The following GIGYF1 variants were observed in gnomAD, a reference collection of about 807,000 sequenced individuals.
GIGYF1 encodes the protein GRB10 interacting GYF protein 1.
Under a neutral mutation model 147.1 loss-of-function variants are expected in GIGYF1, and 84 were observed. That is an observed-to-expected ratio of 0.57 (90% CI 0.48 to 0.68). The LOEUF (loss-of-function observed/expected upper bound fraction) is 0.68. GIGYF1 is among the 30% of genes least tolerant of loss of function. The pLI, the probability that GIGYF1 is intolerant of heterozygous loss-of-function variation, is 0.00. For missense variants in GIGYF1, 1,485 were observed against 1,393.7 expected (o/e 1.07, Z -1.04); for synonymous variants, 752 against 589.5 (o/e 1.28, Z -3.99).
chr7:100,685,267 G>A, intron 13 of GIGYF1, 77 bp downstream of exon 13: 2 of 1,534,374 alleles, frequency 1.3e-6, no homozygotes, highest in East Asian at 2.3e-5. Context: ...TGCCCTGTGT[G>A]CCCACCCCCA....
In GIGYF1 at chr7:100,687,605, G is replaced by C; in HGVS notation, c.273C>G (p.Ser91=). 6.2e-7 allele frequency: 1 copy of C among 1,611,430 alleles called. No individual in the cohort carries two copies. The highest frequency in any genetic ancestry group is 8.5e-7 in the Non-Finnish European group (1 of 1,179,368). The stretch of plus-strand genomic sequence containing the variant: ...GCACAGCCACGCTGTTCACTGACAG[G>C]GAGAAGTTTCTCTGAGGAGGGAGCC... ...PLTEEEQRNF[S]LSVNSVAVLR... is the part of the protein sequence containing the mutation. The change falls in exon 7 of 27, where the codon TCC becomes TCG. Residue 91 remains serine, a synonymous_variant. Coordinates refer to ENST00000678049, the MANE Select transcript of GIGYF1 (RefSeq NM_001375765.1).
chr7:100,685,180 G>C (rs781779448), intron 13 of GIGYF1, 34 bp from the exon 14 acceptor site: 12 of 1,535,578 alleles, frequency 7.8e-6, no homozygotes, highest in Middle Eastern at 3.4e-4. Flanking sequence ...GGAAAGAAGG[G>C]CGGGGAGGAG....
In GIGYF1 at chr7:100,684,096, G is replaced by C. The variant is rs751588149; in HGVS notation, c.1792C>G (p.Pro598Ala). Residue 598 changes from proline to alanine, a missense_variant, in exon 18 of 27, where the codon CCA becomes GCA. Physicochemically the swap from Pro to Ala is conservative, Grantham distance 27. Transcript: ENST00000678049. ...KAALGDLTPPPPPPPQQQQQQ... is the reference protein window; with the variant it reads ...KAALGDLTPPAPPPPQQQQQQ... Reference sequence around the variant, plus strand: ...TGCTGCTGCTGTGGCGGCGGCGGTGGTGGCGGTGTCAGGTCCCCCAGAGCT... The same window carrying C: ...TGCTGCTGCTGTGGCGGCGGCGGTGCTGGCGGTGTCAGGTCCCCCAGAGCT... 6.2e-7 allele frequency: 1 copy of C among 1,607,340 alleles called. No individual in the cohort carries two copies. The highest frequency in any genetic ancestry group is 1.7e-5 in the Admixed American group (1 of 59,946).
chr7:100,682,864 CAGGTG>C, intron 22 of GIGYF1, 87 bp from the exon 23 acceptor site: 1 of 1,379,308 alleles, frequency 7.3e-7, no homozygotes, highest in African/African-American at 1.4e-5. Context: ...CAAAGGGAGA[CAGGTG>C]AGGTGAGGGC....
Position 100,681,781 on chromosome 7 carries a change from G to C in GIGYF1, c.3056-10C>G, listed in dbSNP as rs199929208. The stretch of plus-strand genomic sequence containing the variant: ...CCGTGCAGGGAGTACCCTGAAGCCG[G>C]GGAGAAGCTGCGTCTGAGCTCTCTC... On this transcript the variant is annotated splice_polypyrimidine_tract_variant and intron_variant, in intron 26 of 26. Coordinates refer to ENST00000678049, the MANE Select transcript of GIGYF1 (RefSeq NM_001375765.1). The C allele has an allele frequency of 1.1e-5, 18 of 1,590,432 alleles. No homozygotes were observed. In the East Asian group the frequency reaches 3.1e-4, roughly 28 times the overall value.
chr7:100,685,597 C>T, intron 12 of GIGYF1, 116 bp from the exon 13 acceptor site: 2 of 1,168,696 alleles, frequency 1.7e-6, no homozygotes, highest in South Asian at 1.4e-5. Flanking sequence ...GCCGAGTCCA[C>T]CACTTCACTT....
At chr7:100,682,986 G>A (rs1305147395) in intron 22 of GIGYF1, 26 bp downstream of exon 22, 14 of 1,462,406 alleles carry the variant, frequency 9.6e-6, no homozygotes, top group Non-Finnish European at 1.3e-5. Context: ...TGTAGGGGGA[G>A]CCCGGGAGGT....
Position 100,687,332 on chromosome 7 carries a change from G to C in GIGYF1, c.448C>G (p.Arg150Gly), listed in dbSNP as rs148226928. The C allele has an allele frequency of 1.2e-6, 2 of 1,612,972 alleles. No homozygotes were observed. The highest frequency in any genetic ancestry group is 3.3e-5 in the Admixed American group (2 of 60,016). Residue 150 changes from arginine to glycine, a missense_variant, in exon 8 of 27, where the codon CGG (arginine) becomes GGG (glycine). By Grantham distance (125) the Arg-to-Gly change is moderately radical. Transcript: ENST00000678049. ...CAGCTCTGGCTGCGCTGGATTTCCC[G>C]GGGGCTTCGTCCAAAGGCCCCATCG... ...EGDGAFGRSP[R>G]EIQRSQSWDD...
Position 100,682,241 on chromosome 7 carries a change from G to T in GIGYF1, c.2762-6C>A. 1 of 1,610,472 alleles carries T rather than the reference G, an allele frequency of 6.2e-7. No individual in the cohort carries two copies. Among genetic ancestry groups the T allele is most frequent in the Non-Finnish European group, 8.5e-7 (1 of 1,179,238 alleles). On this transcript the variant is annotated splice_polypyrimidine_tract_variant and splice_region_variant and intron_variant, in intron 24 of 26. Transcript: ENST00000678049. The stretch of plus-strand genomic sequence containing the variant: ...GATCGCTACAGCCATGGGCACTGCA[G>T]GATGAGCGAAGGCTGTCAGGGCCCC...
In GIGYF1 at chr7:100,681,949, G is replaced by A; in HGVS notation, c.2970C>T (p.Ala990=). ...SSASLQTAFQ[A]NHSTKLGPGE... ...CGGGGCCGAGTTTGGTGCTGTGGTT[G>A]GCCTGGAAGGCCGTCTGCAGCGAGG... Residue 990 remains alanine (A), a synonymous_variant, in exon 26 of 27, where the codon GCC becomes GCT. Coordinates refer to ENST00000678049, the MANE Select transcript of GIGYF1 (RefSeq NM_001375765.1). 5 of 1,609,454 alleles carry A rather than the reference G, an allele frequency of 3.1e-6. No homozygotes were observed. Among genetic ancestry groups the A allele is most frequent in the Non-Finnish European group, 4.2e-6 (5 of 1,179,934 alleles).
chr7:100,686,591 C>A, intron 10 of GIGYF1, 58 bp downstream of exon 10: 1 of 1,555,000 alleles, frequency 6.4e-7, no homozygotes, highest in East Asian at 2.2e-5. Context: ...AGCCCACCCT[C>A]TCATTACAGT....
Position 100,688,031 on chromosome 7 carries a change from A to G in GIGYF1, c.115T>C (p.Tyr39His). Residue 39 changes from tyrosine to histidine, a missense_variant, in exon 5 of 27, where the codon TAC becomes CAC. Tyr to His is a moderately conservative substitution (Grantham distance 83). Transcript: ENST00000678049. ...AGCATTTCCTCTCGCCCATAACGGT[A>G]GTCAGCCAGCTTGTATTTGGGCATG... is the stretch of plus-strand genomic sequence containing the variant. The part of the protein sequence containing the change: ...PAMPKYKLAD[Y>H]RYGREEMLAL... 3 of 1,613,478 alleles carry G rather than the reference A, an allele frequency of 1.9e-6. No homozygotes were observed. The highest frequency in any genetic ancestry group is 2.5e-6 in the Non-Finnish European group (3 of 1,179,682).
In GIGYF1 at chr7:100,688,522, G is replaced by A. The variant is rs1471280046; in HGVS notation, c.-134-7C>T. The A allele has an allele frequency of 1.5e-6, 1 of 661,668 alleles. No individual in the cohort carries two copies. The allele number at this position is 661,668 out of a possible 1,614,324, so 41.0% of individuals were successfully genotyped here. Reference sequence around the variant, plus strand: ...AGTCCAGACGGTGAAAGACCTGGGGGAGGCGAGGAGATGGGAAGCTCGAGT... The same window carrying A: ...AGTCCAGACGGTGAAAGACCTGGGGAAGGCGAGGAGATGGGAAGCTCGAGT... On this transcript the variant is annotated splice_region_variant and splice_polypyrimidine_tract_variant and intron_variant, in intron 2 of 26. Transcript: ENST00000678049.
At position 100,680,195 on chromosome 7, in the gene GIGYF1, A is replaced by AATC. The variant is rs1804598757; in HGVS notation, c.*1523_*1524insGAT. ...AAAAAAAAAAAAAAAAAAAAATCCAACAACAGAAAACCAAACACCATCTTT... is the reference window on the plus strand; with the variant it reads ...AAAAAAAAAAAAAAAAAAAAATCCAAATCCAACAGAAAACCAAACACCATCTTT... On this transcript the variant is annotated 3_prime_UTR_variant, in exon 27 of 27. Transcript: ENST00000678049. The AATC allele has an allele frequency of 2.8e-5, 4 of 144,920 alleles. No individual in the cohort carries two copies. The highest frequency in any genetic ancestry group is 6.1e-5 in the Non-Finnish European group (4 of 65,824). 9.0% of individuals were successfully genotyped at this position (144,920 alleles called of 1,614,324 possible).
rs1212574370 is a variant in GIGYF1, at chr7:100,683,455, T to A, written c.2053-11A>T. ...TCTGCGCTCCTGGAACTGAGACCAG[T>A]GGCCCATCAGAGGGGAGAGCTGCAG... On this transcript the variant is annotated splice_polypyrimidine_tract_variant and intron_variant, in intron 20 of 26. Coordinates refer to ENST00000678049, the MANE Select transcript of GIGYF1 (RefSeq NM_001375765.1). 1 of 1,614,154 alleles carries A rather than the reference T, an allele frequency of 6.2e-7. No homozygotes were observed. Among genetic ancestry groups the A allele is most frequent in the Non-Finnish European group, 8.5e-7 (1 of 1,180,002 alleles).
Position 100,684,544 on chromosome 7 carries a change from C to T in GIGYF1, c.1535G>A (p.Arg512Gln). 5 of 1,614,120 alleles carry T rather than the reference C, an allele frequency of 3.1e-6. No individual in the cohort carries two copies. The highest frequency in any genetic ancestry group is 3.4e-6 in the Non-Finnish European group (4 of 1,180,022). Residue 512 changes from arginine to glutamine, a missense_variant, in exon 16 of 27, where the codon CGG becomes CAG. Transcript: ENST00000678049. ...CGGCTGGAAGCCCTCATCGCAGCCC[C>T]GCTTCACCAGCAGTGACATGGAAAA... ...GYFSMSLLVK[R>Q]GCDEGFQPLG...
chr7:100,683,486 A>G lies in GIGYF1; in HGVS notation c.2053-42T>C, dbSNP rs745566879. 3 of 1,614,138 alleles carry G rather than the reference A, an allele frequency of 1.9e-6. No individual in the cohort carries two copies. In the South Asian group the frequency reaches 3.3e-5, roughly 18 times the overall value. On this transcript the variant is annotated intron_variant, in intron 20 of 26. Coordinates refer to ENST00000678049, the MANE Select transcript of GIGYF1 (RefSeq NM_001375765.1). Reference sequence around the variant, plus strand: ...ATCAGAGGGGAGAGCTGCAGGGGACAGCCTGGGGCCTGCCTCGGTCCACCC... The same window carrying G: ...ATCAGAGGGGAGAGCTGCAGGGGACGGCCTGGGGCCTGCCTCGGTCCACCC...
chr7:100,683,009 C>T lies in GIGYF1; in HGVS notation c.2412+3G>A, dbSNP rs1804936815. ...GAGCCCGGGAGGTTCCCGGCCTGCTCACCACTCGGTGGTTGGGGGCCTGGG... is the reference window on the plus strand; with the variant it reads ...GAGCCCGGGAGGTTCCCGGCCTGCTTACCACTCGGTGGTTGGGGGCCTGGG... On this transcript the variant is annotated splice_donor_region_variant and intron_variant, in intron 22 of 26. Transcript: ENST00000678049. 7 of 1,514,562 alleles carry T rather than the reference C, an allele frequency of 4.6e-6. No homozygotes were observed. Among genetic ancestry groups the T allele is most frequent in the Non-Finnish European group, 6.2e-6 (7 of 1,134,782 alleles). 93.8% of individuals were successfully genotyped at this position (1,514,562 alleles called of 1,614,324 possible). A position where few individuals can be genotyped will look rare whatever the true frequency, so the allele number is the denominator to read the frequency against.
Position 100,685,426 on chromosome 7 carries a change from G to A in GIGYF1, c.1110C>T (p.Ser370=). The A allele has an allele frequency of 6.3e-7, 1 of 1,589,002 alleles. No individual in the cohort carries two copies. ...AGAGTGGGCCCAGGGTGGGCAGTGG[G>A]GATGGGGAGCTGGACTTCTCCTCCT... ...PPQEEKSSSP[S]PLPTLGPLWG... Residue 370 remains serine (S), a synonymous_variant, in exon 13 of 27, where the codon TCC becomes TCT. Transcript: ENST00000678049.
Sources: allele counts gnomAD v4.1 joint callset, GRCh38; gene constraint gnomAD v4.1.1; transcripts MANE v1.5; gene names NCBI Gene and HGNC (gene_info 2026-07-23, HGNC 2026-07-21).